Variants in SLC25A21 observed in about 807,000 individuals in gnomAD.
SLC25A21 encodes mitochondrial 2-oxodicarboxylate carrier.
A neutral mutation model predicts 43.8 loss-of-function variants in SLC25A21; 47 were observed. The ratio of observed to expected loss-of-function variants is 1.07; its 90% CI spans 0.85 to 1.37. The LOEUF is 1.37. Among genes scored for constraint, SLC25A21 ranks in the 40% most tolerant of loss-of-function variants. The probability of loss-of-function intolerance (pLI) is 0.00; values close to 1 mark genes in which losing one functional copy is unlikely to be tolerated. For missense variants in SLC25A21, 352 were observed against 350.2 expected (o/e 1.00, Z -0.04); for synonymous variants, 131 against 121.3 (o/e 1.08, Z -0.52).
chr14:37,140,800 A>C (rs1167372802), intron 1 of SLC25A21, among the ~76,000 whole-genome samples: 1 of 152,084 alleles, frequency 6.6e-6, no homozygotes, highest in Non-Finnish European at 1.5e-5. Context: ...GGGGCTAAGA[A>C]ATCCCTTTGG....
At chr14:37,103,976 G>C (rs1370364221) in intron 1 of SLC25A21, among the ~76,000 whole-genome samples, 2 of 152,214 alleles carry the variant, frequency 1.3e-5, no homozygotes, top group Non-Finnish European at 2.9e-5. Context: ...AGCACATGCA[G>C]AAAGAAGGAC....
chr14:36,737,619 C>A (rs1037520201), intron 3 of SLC25A21, among the ~76,000 whole-genome samples: 4 of 152,188 alleles, frequency 2.6e-5, no homozygotes, highest in African/African-American at 9.7e-5. Flanking sequence ...GTGGAACACT[C>A]AGGTCAGCAC....
chr14:37,029,939 A>G (rs1961175041), intron 1 of SLC25A21, among the ~76,000 whole-genome samples: 1 of 151,132 alleles, frequency 6.6e-6, no homozygotes, highest in African/African-American at 2.4e-5. Context: ...TAATTTTTTT[A>G]TTTTTAGTAG....
chr14:36,985,382 TG>T (rs753897162), intron 1 of SLC25A21, among the ~76,000 whole-genome samples: 2 of 151,630 alleles, frequency 1.3e-5, no homozygotes, highest in Non-Finnish European at 2.9e-5. Flanking sequence ...ATGTGAACCA[TG>T]GTTAAAAATA....
chr14:37,037,780 T>C (rs2138778137), intron 1 of SLC25A21, among the ~76,000 whole-genome samples: 1 of 152,292 alleles, frequency 6.6e-6, no homozygotes, highest in South Asian at 2.1e-4. Flanking sequence ...ATCATTGATG[T>C]CAAATCATGT....
chr14:36,756,418 C>G (rs574098777), intron 3 of SLC25A21, among the ~76,000 whole-genome samples: 1 of 152,158 alleles, frequency 6.6e-6, no homozygotes, highest in East Asian at 1.9e-4. Context: ...ACGTGGTTCA[C>G]GAGGCTCCCC....
chr14:36,948,624 CT>C (rs1892730727), intron 1 of SLC25A21, among the ~76,000 whole-genome samples: 1 of 152,100 alleles, frequency 6.6e-6, no homozygotes, highest in African/African-American at 2.4e-5. Flanking sequence ...AAAAGTTTCG[CT>C]TTCTAATTCT....
chr14:36,911,560 A>G (rs1276942315), intron 1 of SLC25A21, among the ~76,000 whole-genome samples: 2 of 152,020 alleles, frequency 1.3e-5, no homozygotes, highest in Non-Finnish European at 2.9e-5. Context: ...CCACTTTCAC[A>G]CTGGTGTTTG....
chr14:36,685,356 C>T (rs1416764978), intron 7 of SLC25A21, among the ~76,000 whole-genome samples: 1 of 152,280 alleles, frequency 6.6e-6, no homozygotes, highest in African/African-American at 2.4e-5. Flanking sequence ...TGTGTGTGGA[C>T]CCCCAAATGT....
chr14:36,781,231 C>T (rs1887048690), intron 3 of SLC25A21, among the ~76,000 whole-genome samples: 1 of 152,050 alleles, frequency 6.6e-6, no homozygotes, highest in Non-Finnish European at 1.5e-5. Context: ...AAGTGAATTT[C>T]TTGTAGGTAG....
chr14:36,737,143 G>C (rs1246489963), intron 3 of SLC25A21, among the ~76,000 whole-genome samples: 1 of 152,144 alleles, frequency 6.6e-6, no homozygotes, highest in Non-Finnish European at 1.5e-5. Context: ...AGAAGACATG[G>C]GCAAGCACTT....
chr14:37,022,363 T>C (rs1018110746), intron 1 of SLC25A21, among the ~76,000 whole-genome samples: 43 of 151,972 alleles, frequency 2.8e-4, no homozygotes, highest in African/African-American at 9.9e-4. Context: ...TATGTTCAAA[T>C]TAAGCTGTTA....
Position 36,680,701 on chromosome 14 carries a change from A to T in SLC25A21, c.857T>A (p.Leu286Gln). ...RLGPGGAVMLLVYEYTYSWLQ... is the reference protein window; with the variant it reads ...RLGPGGAVMLQVYEYTYSWLQ... ...CCATGAATAGGTGTATTCATAAACC[A>T]GCAGCATCACTGCACCACCTAGAAA... Residue 286 changes from leucine (L) to glutamine (Q), a missense_variant, in exon 10 of 10, where the codon CTG (leucine) becomes CAG (glutamine). Leu to Gln is a moderately radical substitution (Grantham distance 113). Transcript: ENST00000331299. The T allele has an allele frequency of 6.2e-7, 1 of 1,613,336 alleles. No homozygotes were observed. The highest frequency in any genetic ancestry group is 8.5e-7 in the Non-Finnish European group (1 of 1,179,650).
chr14:36,990,579 TA>T (rs748604038), intron 1 of SLC25A21, among the ~76,000 whole-genome samples: 5 of 152,118 alleles, frequency 3.3e-5, no homozygotes, highest in Non-Finnish European at 7.4e-5. Flanking sequence ...ACTCTAATTT[TA>T]AAAATCTGAA....
intron 3 of SLC25A21, among the ~76,000 whole-genome samples, chr14:36,811,272 GATGA>G (rs1888253477): frequency 6.6e-6 from 1 of 152,188 alleles, no homozygotes; most frequent in Admixed American, 6.5e-5. Flanking sequence ...GCTACAGATA[GATGA>G]ATGAGTGGAA....
At chr14:36,953,932 C>A (rs946062347) in intron 1 of SLC25A21, among the ~76,000 whole-genome samples, 1 of 152,170 alleles carries the variant, frequency 6.6e-6, no homozygotes, top group Non-Finnish European at 1.5e-5. Context: ...GGTTTTCCAA[C>A]TGCCTACTGG....
At chr14:37,118,449 T>C (rs575622405) in intron 1 of SLC25A21, among the ~76,000 whole-genome samples, 3 of 152,332 alleles carry the variant, frequency 2.0e-5, no homozygotes, top group East Asian at 3.9e-4. Flanking sequence ...GGAGGCTGAT[T>C]TGAGTAATAA....
intron 1 of SLC25A21, among the ~76,000 whole-genome samples, chr14:36,908,729 C>A (rs1196608344): frequency 6.6e-6 from 1 of 152,078 alleles, no homozygotes; most frequent in African/African-American, 2.4e-5. Flanking sequence ...TAGCTCAGGG[C>A]AGAGCACAGA....
chr14:37,105,948 C>T (rs566238263), intron 1 of SLC25A21, among the ~76,000 whole-genome samples: 53 of 152,200 alleles, frequency 3.5e-4, no homozygotes, highest in Admixed American at 2.4e-3. Flanking sequence ...GCTGGAGCCG[C>T]GGCAGAGAAA....
Sources: gnomAD v4.1 joint callset for allele counts (sites outside exome capture counted in the v4.1 genomes callset) on GRCh38, gnomAD v4.1.1 for gene constraint, MANE v1.5 for transcripts, NCBI Gene and HGNC (gene_info 2026-07-23, HGNC 2026-07-21) for gene names.